The following GLT8D2 variants were observed in gnomAD, a reference collection of about 807,000 sequenced individuals.
GLT8D2 encodes the protein glycosyltransferase 8 domain containing 2.
Under a neutral mutation model 44.5 loss-of-function variants are expected in GLT8D2, and 45 were observed. The ratio of observed to expected loss-of-function variants is 1.01; its 90% CI spans 0.80 to 1.30. The LOEUF (loss-of-function observed/expected upper bound fraction) is 1.30. Among genes scored for constraint, GLT8D2 ranks in the 50% most tolerant of loss-of-function variants. The pLI, the probability that GLT8D2 is intolerant of heterozygous loss-of-function variation, is 0.00. For synonymous variants in GLT8D2, 156 were observed against 157.2 expected (o/e 0.99, Z 0.06); for missense variants, 400 against 430.4 (o/e 0.93, Z 0.62).
intron 1 of GLT8D2, among the ~76,000 whole-genome samples, chr12:104,041,016 C>T (rs1880490477): frequency 6.6e-6 from 1 of 152,126 alleles, no homozygotes; most frequent in Non-Finnish European, 1.5e-5. Context: ...CCTGTAATCC[C>T]AGCACCTTGG....
At position 103,995,880 on chromosome 12, in the gene GLT8D2, C is replaced by A. The variant is rs576737577; in HGVS notation, c.600+855G>T. 2.0e-5 allele frequency among the ~76,000 whole-genome samples: 3 copies of A among 152,338 alleles called. No homozygotes were observed. The South Asian group carries it at 6.2e-4, about 32-fold the overall frequency. ...TCTAAGAACTTTACATGTACTACCTCATTACTCTCATGTAATAGCTTTATA... is the reference window on the plus strand; with the variant it reads ...TCTAAGAACTTTACATGTACTACCTAATTACTCTCATGTAATAGCTTTATA... On this transcript the variant is annotated intron_variant, in intron 8 of 10. Transcript: ENST00000360814.
chr12:104,054,134 GA>G (rs1365313293), upstream of GLT8D2, among the ~76,000 whole-genome samples: 3 of 151,880 alleles, frequency 2.0e-5, no homozygotes, highest in African/African-American at 7.3e-5. Context: ...TCTGATAACT[GA>G]AAGTTTATAC....
intron 10 of GLT8D2, among the ~76,000 whole-genome samples, chr12:103,993,137 C>A (rs1872979995): frequency 6.6e-6 from 1 of 152,114 alleles, no homozygotes; most frequent in African/African-American, 2.4e-5. Context: ...TTGAGACCAG[C>A]CTGGCCAACA....
rs55732553 is a variant in GLT8D2, at chr12:104,015,393, A to AACACACACACACACAC, written c.20-304_20-289dup. On this transcript the variant is annotated intron_variant, in intron 3 of 10. Transcript: ENST00000360814. ...GTGGGACCCTGTCTCAACAACAACA[A>AACACACACACACACAC]ACACACACACACACACACACACACA... is the stretch of plus-strand genomic sequence containing the variant. Among the ~76,000 whole-genome samples, 427 of 126,166 alleles carry AACACACACACACACAC rather than the reference A, an allele frequency of 3.4e-3. 4 individuals carry two copies. The Middle Eastern group carries it at 0.034, about 10-fold the overall frequency. 82.8% of individuals were successfully genotyped at this position (126,166 alleles called of 152,430 possible). A position where few individuals can be genotyped will look rare whatever the true frequency, so the allele number is the denominator to read the frequency against.
chr12:104,012,118 C>T (rs966064363), intron 4 of GLT8D2, among the ~76,000 whole-genome samples: 2 of 141,752 alleles, frequency 1.4e-5, no homozygotes, highest in Admixed American at 7.6e-5. Flanking sequence ...AGTGGTGAGC[C>T]GAGATGGCAC....
intron 4 of GLT8D2, chr12:104,014,470 C>A: frequency 1.8e-6 from 1 of 570,452 alleles, no homozygotes; most frequent in Non-Finnish European, 3.1e-6. Context: ...AATTCACCCC[C>A]GAGGAGGGAA....
At chr12:104,036,487 C>CA (rs1005889247) in intron 1 of GLT8D2, among the ~76,000 whole-genome samples, 34 of 148,682 alleles carry the variant, frequency 2.3e-4, no homozygotes, top group South Asian at 1.1e-3. Flanking sequence ...AAATGGAAAG[C>CA]AAAAAAAAAG....
Position 103,996,816 on chromosome 12 carries a change from C to A in GLT8D2, c.519G>T (p.Leu173Phe). Residue 173 changes from leucine (L) to phenylalanine (F), a missense_variant, in exon 8 of 11, where the codon TTG becomes TTT. Coordinates refer to ENST00000360814, the MANE Select transcript of GLT8D2 (RefSeq NM_001384711.1). ...AGAAAGCCGCCGCGTGGCCCAGGGC[C>A]AAGGTGGTGTCATACAGTTCTTGGA... ...GDIQELYDTT[L>F]ALGHAAAFSD... The A allele has an allele frequency of 6.2e-7, 1 of 1,614,064 alleles. No homozygotes were observed. Among genetic ancestry groups the A allele is most frequent in the South Asian group, 1.1e-5 (1 of 91,070 alleles).
At chr12:104,049,843 G>T (rs1881552917) in intron 1 of GLT8D2, 52 bp downstream of exon 1, 2 of 152,200 alleles carry the variant, frequency 1.3e-5, no homozygotes, top group East Asian at 1.9e-4. Flanking sequence ...GCTGCAGACC[G>T]GCCAGGATAA....
At chr12:104,024,765 T>C (rs1878335977) in intron 1 of GLT8D2, among the ~76,000 whole-genome samples, 1 of 152,148 alleles carries the variant, frequency 6.6e-6, no homozygotes, top group Non-Finnish European at 1.5e-5. Context: ...TGTTTATATA[T>C]TCCGCATACA....
chr12:104,015,772 T>C (rs1283760405), intron 3 of GLT8D2, among the ~76,000 whole-genome samples: 1 of 151,118 alleles, frequency 6.6e-6, no homozygotes, highest in Admixed American at 6.6e-5. Flanking sequence ...GAGGCTGAGG[T>C]GGGCAGATCA....
chr12:104,064,317 T>G, upstream of GLT8D2: 1 of 408,816 alleles, frequency 2.4e-6, no homozygotes, highest in Non-Finnish European at 4.3e-6. This position sits in a 1 kb window ranked among gnomAD's most constrained non-coding sequence, Gnocchi z 7.3. Flanking sequence ...GAAGCGTCCT[T>G]CCACCCTAAG....
upstream of GLT8D2, among the ~76,000 whole-genome samples, chr12:104,052,930 A>ATTTAGCTAAATGTT (rs1435813982): frequency 2.6e-5 from 4 of 152,116 alleles, no homozygotes. Flanking sequence ...CCATTCAAAC[A>ATTTAGCTAAATGTT]TTTAGCTAAA....
chr12:104,024,645 G>A (rs767480265), intron 1 of GLT8D2, among the ~76,000 whole-genome samples: 9 of 152,194 alleles, frequency 5.9e-5, no homozygotes, highest in South Asian at 2.1e-4. Flanking sequence ...GATTACTCAC[G>A]TTGAGCATCT....
At chr12:104,038,697 TATCGTGAAAATGGCCATACTGCCCAA>T (rs973093698) in intron 1 of GLT8D2, among the ~76,000 whole-genome samples, 1 of 152,184 alleles carries the variant, frequency 6.6e-6, no homozygotes, top group African/African-American at 2.4e-5. Context: ...GAAGAATTAA[TATCGTGAAAATGGCCATACTGCCCAA>T]GGTAACTTAT....
At chr12:103,998,168 A>C (rs1362778910) in intron 6 of GLT8D2, among the ~76,000 whole-genome samples, 1 of 152,190 alleles carries the variant, frequency 6.6e-6, no homozygotes. Context: ...GGATGAATTT[A>C]AGTAACAATC....
At chr12:104,015,393 A>AACAC (rs55732553) in intron 3 of GLT8D2, among the ~76,000 whole-genome samples, 14,735 of 126,004 alleles carry the variant, frequency 0.12, 941 homozygotes, top group Non-Finnish European at 0.14. Context: ...AACAACAACA[A>AACAC]ACACACACAC....
chr12:104,012,039 C>T (rs1010823836), intron 4 of GLT8D2, among the ~76,000 whole-genome samples: 6 of 151,576 alleles, frequency 4.0e-5, no homozygotes, highest in South Asian at 2.1e-4. Context: ...GGCATGGTGG[C>T]GCATGCCTGT....
chr12:104,004,224 G>T (rs997031198), intron 4 of GLT8D2, among the ~76,000 whole-genome samples: 6 of 152,008 alleles, frequency 3.9e-5, no homozygotes, highest in African/African-American at 1.4e-4. Context: ...TTGATGGGAC[G>T]TATCTCAAAA....
Sources: allele counts gnomAD v4.1 joint callset (sites outside exome capture counted in the v4.1 genomes callset), GRCh38; gene constraint gnomAD v4.1.1; non-coding constraint Gnocchi (gnomAD v3.1); transcripts MANE v1.5; gene names NCBI Gene and HGNC (gene_info 2026-07-23, HGNC 2026-07-21).